Variants in SLC25A13 observed in about 807,000 individuals in gnomAD.
SLC25A13 encodes electrogenic aspartate/glutamate antiporter SLC25A13, mitochondrial.
Under a neutral mutation model 85.5 loss-of-function variants are expected in SLC25A13, and 70 were observed. The observed-to-expected ratio is 0.82, with a 90% CI of 0.68 to 1.00. SLC25A13 has a LOEUF of 1.00. Ranked by LOEUF, SLC25A13 falls within the 50% of genes least tolerant of loss-of-function variation. SLC25A13 has a pLI of 0.00. For missense variants in SLC25A13, 765 were observed against 819.8 expected, an observed-to-expected ratio of 0.93 and a Z score of 0.82; for synonymous variants, 259 against 288.7, an observed-to-expected ratio of 0.90 and a Z score of 1.04.
intron 11 of SLC25A13, among the ~76,000 whole-genome samples, chr7:96,176,287 C>T (rs1019246245): frequency 6.6e-6 from 1 of 152,196 alleles, no homozygotes; most frequent in African/African-American, 2.4e-5. Context: ...TAAGATGTTT[C>T]TGTTGGGTCC....
intron 2 of SLC25A13, among the ~76,000 whole-genome samples, chr7:96,287,384 C>A (rs1482983454): frequency 2.6e-5 from 4 of 152,212 alleles, no homozygotes; most frequent in African/African-American, 9.6e-5. Flanking sequence ...TCAAAAGTCA[C>A]ATAGTCCCAG....
chr7:96,123,136 A>G (rs532879640), intron 15 of SLC25A13, among the ~76,000 whole-genome samples: 49 of 152,288 alleles, frequency 3.2e-4, no homozygotes, highest in Admixed American at 1.2e-3. Flanking sequence ...ATTAATCTCA[A>G]GAGGTTTTAT....
intron 1 of SLC25A13, among the ~76,000 whole-genome samples, chr7:96,299,741 G>A (rs917403790): frequency 1.3e-5 from 2 of 152,154 alleles, no homozygotes; most frequent in African/African-American, 4.8e-5. Flanking sequence ...TTTCATCATT[G>A]TGTGAACATC....
intron 13 of SLC25A13, among the ~76,000 whole-genome samples, chr7:96,150,652 A>G (rs908010982): frequency 6.6e-6 from 1 of 152,152 alleles, no homozygotes; most frequent in African/African-American, 2.4e-5. Context: ...GAGAAAACTG[A>G]GACACAGACA....
chr7:96,213,293 T>C (rs1223403857), intron 4 of SLC25A13, among the ~76,000 whole-genome samples: 4 of 152,242 alleles, frequency 2.6e-5, no homozygotes, highest in African/African-American at 9.6e-5. Context: ...CAGGTTAATA[T>C]TCTTTTCTCC....
At chr7:96,287,824 T>C (rs931175641) in intron 2 of SLC25A13, among the ~76,000 whole-genome samples, 7 of 152,228 alleles carry the variant, frequency 4.6e-5, no homozygotes, top group African/African-American at 1.7e-4. Flanking sequence ...AGATAGGTCC[T>C]CGGTTCAAAG....
At chr7:96,162,547 A>G (rs1215056939) in intron 13 of SLC25A13, among the ~76,000 whole-genome samples, 1 of 152,174 alleles carries the variant, frequency 6.6e-6, no homozygotes, top group African/African-American at 2.4e-5. Context: ...TGCCAATCAG[A>G]TTTCCTCTCT....
At chr7:96,261,092 C>G (rs1797835974) in intron 3 of SLC25A13, among the ~76,000 whole-genome samples, 1 of 152,050 alleles carries the variant, frequency 6.6e-6, no homozygotes, top group Non-Finnish European at 1.5e-5. Flanking sequence ...CCTGTTATCC[C>G]CTCTATTCTT....
chr7:96,121,942 C>A lies in SLC25A13; in HGVS notation c.1647G>T (p.Gln549His). 6.2e-7 allele frequency: 1 copy of A among 1,614,182 alleles called. No individual in the cohort carries two copies. Among genetic ancestry groups the A allele is most frequent in the Non-Finnish European group, 8.5e-7 (1 of 1,180,036 alleles). The change falls in exon 16 of 18, where the codon CAG becomes CAT. Residue 549 changes from glutamine (Q) to histidine (H), a missense_variant. Physicochemically the swap from Gln to His is conservative, Grantham distance 24. Coordinates refer to ENST00000265631, the MANE Select transcript of SLC25A13 (RefSeq NM_014251.3). The part of the protein sequence containing the change: ...TPADVIKTRL[Q>H]VAARAGQTTY... ...TGGTTTGGCCAGCCCGGGCAGCCAC[C>A]TGTAATCTCGTCTTGATAACATCAG...
At chr7:96,170,246 A>T in intron 12 of SLC25A13, 121 bp from the exon 13 acceptor site, 1 of 860,554 alleles carries the variant, frequency 1.2e-6, no homozygotes, top group South Asian at 1.4e-5. Flanking sequence ...GTAATCATAA[A>T]TTGCACAATT....
intron 10 of SLC25A13, 83 bp from the exon 11 acceptor site, chr7:96,184,518 A>G (rs1794547506): frequency 7.5e-7 from 1 of 1,338,890 alleles, no homozygotes; most frequent in Non-Finnish European, 1.1e-6. Flanking sequence ...CAAGGACAAG[A>G]CTGAGAAAAG....
At chr7:96,136,471 G>C (rs1161809427) in intron 14 of SLC25A13, among the ~76,000 whole-genome samples, 2 of 152,156 alleles carry the variant, frequency 1.3e-5, no homozygotes, top group Non-Finnish European at 2.9e-5. Flanking sequence ...AACACAACAG[G>C]ATTTGTATCT....
chr7:96,222,938 C>G (rs1015566536), intron 4 of SLC25A13, among the ~76,000 whole-genome samples: 1 of 152,140 alleles, frequency 6.6e-6, no homozygotes, highest in Non-Finnish European at 1.5e-5. Flanking sequence ...ATTCTACAAT[C>G]AATGTCTTTA....
intron 15 of SLC25A13, among the ~76,000 whole-genome samples, chr7:96,122,325 C>A (rs182632203): frequency 6.6e-6 from 1 of 152,226 alleles, no homozygotes; most frequent in East Asian, 1.9e-4. Flanking sequence ...GTGGAGAAAG[C>A]GGTTTTCTTT....
intron 1 of SLC25A13, among the ~76,000 whole-genome samples, chr7:96,315,181 A>G (rs1327606943): frequency 6.6e-6 from 1 of 152,226 alleles, no homozygotes; most frequent in Non-Finnish European, 1.5e-5. Context: ...AAAGAAGAGA[A>G]ATTTGGAGAA....
chr7:96,191,926 T>C (rs911369264), intron 6 of SLC25A13, among the ~76,000 whole-genome samples: 5 of 152,220 alleles, frequency 3.3e-5, no homozygotes, highest in African/African-American at 1.2e-4. Context: ...ATGTCCATTA[T>C]GAATGAGACT....
chr7:96,318,485 G>A (rs747109469), intron 1 of SLC25A13, among the ~76,000 whole-genome samples: 1 of 152,126 alleles, frequency 6.6e-6, no homozygotes, highest in Non-Finnish European at 1.5e-5. Context: ...TCCTACAAAC[G>A]TAGGCAGCAA....
At chr7:96,219,341 ATAT>A (rs1562852690) in intron 4 of SLC25A13, among the ~76,000 whole-genome samples, 1 of 152,150 alleles carries the variant, frequency 6.6e-6, no homozygotes, top group Non-Finnish European at 1.5e-5. Flanking sequence ...GCTGAGCCAA[ATAT>A]TATACTAAAG....
intron 13 of SLC25A13, among the ~76,000 whole-genome samples, chr7:96,149,340 T>C (rs1420781312): frequency 2.6e-5 from 4 of 152,212 alleles, no homozygotes; most frequent in Non-Finnish European, 5.9e-5. Flanking sequence ...GTACAATTCT[T>C]AGGTACGGAA....
Sources: allele counts gnomAD v4.1 joint callset (sites outside exome capture counted in the v4.1 genomes callset), GRCh38; gene constraint gnomAD v4.1.1; transcripts MANE v1.5; gene names NCBI Gene and HGNC (gene_info 2026-07-23, HGNC 2026-07-21).